The following OSBPL9 variants were observed in gnomAD, a reference collection of about 807,000 sequenced individuals.
OSBPL9 encodes the protein oxysterol-binding protein-related protein 9.
In OSBPL9, 40 loss-of-function variants were observed where a neutral mutation model predicts 106.6. The observed-to-expected ratio is 0.38, with a 90% confidence interval of 0.29 to 0.49. The LOEUF (loss-of-function observed/expected upper bound fraction) is 0.49, where lower values mean the gene tolerates loss of function less well. Ranked by LOEUF, OSBPL9 falls within the 20% of genes least tolerant of loss-of-function variation. The probability of loss-of-function intolerance (pLI) is 0.97; values close to 1 mark genes in which losing one functional copy is unlikely to be tolerated. For missense variants in OSBPL9, 609 were observed against 887.2 expected (o/e 0.69, Z 3.98); for synonymous variants, 269 against 295.4 (o/e 0.91, Z 0.92).
At chr1:51,567,126 G>A in the OSBPL9 span, 1 of 152,178 alleles carries the variant, frequency 6.6e-6, no homozygotes, top group Non-Finnish European at 1.5e-5. Flanking sequence ...CACTTCACAA[G>A]ATCAAGTCAT....
Position 51,746,777 on chromosome 1 carries a change from T to A in OSBPL9, c.462+20T>A. The A allele has an allele frequency of 6.3e-7, 1 of 1,587,518 alleles. No individual in the cohort carries two copies. The highest frequency in any genetic ancestry group is 8.6e-7 in the Non-Finnish European group (1 of 1,166,528). On this transcript the variant is annotated intron_variant, in intron 6 of 23. Coordinates refer to ENST00000428468, the MANE Select transcript of OSBPL9 (RefSeq NM_024586.6). ...AGAAAGGTAACTTCCATAACCGTGC[T>A]TTTGACGTTAAAAATTTTAAATTCA...
chr1:51,669,533 C>G (rs781698103), intron 3 of OSBPL9, 21 bp downstream of exon 3: 8 of 1,606,746 alleles, frequency 5.0e-6, no homozygotes, highest in Non-Finnish European at 6.8e-6. Context: ...AGAAGAGATT[C>G]TTTCTCTTCA....
intron 1 of OSBPL9, among the ~76,000 whole-genome samples, chr1:51,642,526 C>G (rs926591144): frequency 6.6e-6 from 1 of 152,052 alleles, no homozygotes; most frequent in African/African-American, 2.4e-5. Context: ...GTCAATTGTC[C>G]TGCGTGAGTA....
chr1:51,663,295 A>AGTGTGTGTGTGT (rs10544368), intron 2 of OSBPL9, among the ~76,000 whole-genome samples: 14 of 148,810 alleles, frequency 9.4e-5, no homozygotes, highest in South Asian at 4.3e-4. Flanking sequence ...TATGCTGGCA[A>AGTGTGTGTGTGT]GTGTGTGTGT....
chr1:51,609,751 T>A (rs1181451384), intron 2 of OSBPL9, among the ~76,000 whole-genome samples: 7 of 150,698 alleles, frequency 4.6e-5, no homozygotes, highest in East Asian at 1.9e-4. Flanking sequence ...AATGTCTATT[T>A]TTTTTTTTTT....
chr1:51,711,007 T>C (rs1659681217), intron 3 of OSBPL9, among the ~76,000 whole-genome samples: 2 of 152,202 alleles, frequency 1.3e-5, no homozygotes, highest in Non-Finnish European at 2.9e-5. Flanking sequence ...ATACGCTGTA[T>C]TGCTTACCCT....
chr1:51,660,704 G>A (rs80252532), intron 2 of OSBPL9, among the ~76,000 whole-genome samples: 1,821 of 152,248 alleles, frequency 0.012, 38 homozygotes, highest in African/African-American at 0.042. Context: ...TCCATGCAGC[G>A]TCTTCTTTAG....
intron 4 of OSBPL9, among the ~76,000 whole-genome samples, chr1:51,730,639 G>A (rs533049520): frequency 1.3e-5 from 2 of 152,316 alleles, no homozygotes; most frequent in South Asian, 4.1e-4. Flanking sequence ...ATAATTAATG[G>A]ACTAGGAAGC....
At chr1:51,721,501 G>A (rs530064786) in intron 4 of OSBPL9, among the ~76,000 whole-genome samples, 1 of 152,170 alleles carries the variant, frequency 6.6e-6, no homozygotes, top group African/African-American at 2.4e-5. Flanking sequence ...TTGTATTTAA[G>A]GTACAATTTA....
In OSBPL9 at chr1:51,759,374, A is replaced by T. The variant is rs1335535946; in HGVS notation, c.583-1316A>T. On this transcript the variant is annotated intron_variant, in intron 9 of 23. Transcript: ENST00000428468. ...TGTTTTTCACATGGCCTGGAAAAAA[A>T]TTTTTAACTTAGATATTACGTGAGA... The T allele has an allele frequency of 2.0e-5, 3 of 152,176 alleles. No homozygotes were observed. The East Asian group carries it at 5.8e-4, about 29-fold the overall frequency. The allele number at this position is 152,176 out of a possible 1,614,324, so 9.4% of individuals were successfully genotyped here. A position where few individuals can be genotyped will look rare whatever the true frequency, so the allele number is the denominator to read the frequency against.
At chr1:51,595,581 A>G (rs1204508816) in intron 1 of OSBPL9, among the ~76,000 whole-genome samples, 1 of 152,206 alleles carries the variant, frequency 6.6e-6, no homozygotes, top group African/African-American at 2.4e-5. Context: ...AGGAGCAGAG[A>G]GAAGACCATG....
intron 2 of OSBPL9, among the ~76,000 whole-genome samples, chr1:51,655,258 A>AG (rs1176157539): frequency 3.3e-5 from 5 of 152,124 alleles, no homozygotes; most frequent in Admixed American, 1.3e-4. Flanking sequence ...AGGCTCATTC[A>AG]GGGCATTTGC....
At chr1:51,630,690 T>TA (rs1645051871) in intron 1 of OSBPL9, among the ~76,000 whole-genome samples, 1 of 152,058 alleles carries the variant, frequency 6.6e-6, no homozygotes, top group Non-Finnish European at 1.5e-5. Flanking sequence ...ACGCTAAACT[T>TA]ACAAAAAAAA....
Position 51,652,099 on chromosome 1 carries a change from A to G in OSBPL9, c.162+58A>G, listed in dbSNP as rs566737479. The G allele has an allele frequency of 2.5e-4, 329 of 1,324,650 alleles. 5 individuals are homozygous for G. In the South Asian group the frequency reaches 3.7e-3, roughly 15 times the overall value. The allele number at this position is 1,324,650 out of a possible 1,614,324, so 82.1% of individuals were successfully genotyped here. On this transcript the variant is annotated intron_variant, in intron 2 of 23. Transcript: ENST00000428468. ...TTTGACAGAAGAAAATTGTATTCTG[A>G]TAGAATTATGGAAGTCTAAATTTAG...
chr1:51,631,254 C>A (rs1238143805), intron 1 of OSBPL9, among the ~76,000 whole-genome samples: 1 of 152,030 alleles, frequency 6.6e-6, no homozygotes, highest in Non-Finnish European at 1.5e-5. Context: ...TCAAAAAGGC[C>A]AATCTGGCTG....
chr1:51,647,587 G>A (rs1409760586), intron 1 of OSBPL9, among the ~76,000 whole-genome samples: 9 of 151,982 alleles, frequency 5.9e-5, no homozygotes, highest in East Asian at 5.8e-4. Context: ...CTTATTTTAC[G>A]TCTATTCAGA....
upstream of OSBPL9, among the ~76,000 whole-genome samples, chr1:51,615,255 AAAAACAAAAC>A (rs147586998): frequency 1.3e-4 from 20 of 152,240 alleles, no homozygotes; most frequent in East Asian, 2.3e-3. Flanking sequence ...TCCATCTCAA[AAAAACAAAAC>A]AAAACAAAAC....
At chr1:51,762,509 A>G (rs925706248) in intron 11 of OSBPL9, among the ~76,000 whole-genome samples, 2 of 152,180 alleles carry the variant, frequency 1.3e-5, no homozygotes, top group African/African-American at 4.8e-5. Flanking sequence ...TTTGTTTGTT[A>G]CCTTAACATT....
chr1:51,543,159 G>C, the OSBPL9 span, among the ~76,000 whole-genome samples: 1 of 152,200 alleles, frequency 6.6e-6, no homozygotes, highest in African/African-American at 2.4e-5. Context: ...CAAGGAAACA[G>C]ATCAATTTAT....
Sources: allele counts gnomAD v4.1 joint callset (sites outside exome capture counted in the v4.1 genomes callset), GRCh38; gene constraint gnomAD v4.1.1; transcripts MANE v1.5; gene names NCBI Gene and HGNC (gene_info 2026-07-23, HGNC 2026-07-21).